PDSS1: variants seen among roughly 807,000 people sequenced by gnomAD.
PDSS1 encodes decaprenyl diphosphate synthase subunit 1.
Under a neutral mutation model 57.5 loss-of-function variants are expected in PDSS1, and 43 were observed. The observed-to-expected ratio is 0.75, with a 90% confidence interval of 0.59 to 0.96. PDSS1 has a LOEUF of 0.96. Ranked by LOEUF, PDSS1 falls within the 50% of genes least tolerant of loss-of-function variation. The pLI is 0.00. For synonymous variants in PDSS1, 175 were observed against 191.3 expected (o/e 0.91, Z 0.70); for missense variants, 438 against 527.8 (o/e 0.83, Z 1.67).
Position 26,704,686 on chromosome 10 carries a change from A to T in PDSS1, c.172A>T (p.Ile58Phe), listed in dbSNP as rs1477516517. Residue 58 changes from isoleucine (I) to phenylalanine (F), a missense_variant, in exon 3 of 12, where the codon ATT becomes TTT. Coordinates refer to ENST00000376215, the MANE Select transcript of PDSS1 (RefSeq NM_014317.5). ...KGLDLSQIPY[I>F]NLVKHLTSAC... ...CATTTTTATTTTATAGATACCCTAT[A>T]TTAATCTTGTGAAGCATTTAACATC... The T allele has an allele frequency of 7.2e-7, 1 of 1,379,362 alleles. No individual in the cohort carries two copies. Among genetic ancestry groups the T allele is most frequent in the South Asian group, 1.2e-5 (1 of 86,302 alleles). The allele number at this position is 1,379,362 out of a possible 1,614,324, so 85.4% of individuals were successfully genotyped here.
chr10:26,739,217 A>G (rs1455333042), intron 10 of PDSS1, among the ~76,000 whole-genome samples: 1 of 152,094 alleles, frequency 6.6e-6, no homozygotes, highest in Non-Finnish European at 1.5e-5. Flanking sequence ...GTAGACTCAT[A>G]CTCATCACCT....
intron 5 of PDSS1, chr10:26,715,422 T>G (rs568003034): frequency 3.4e-4 from 51 of 151,368 alleles, no homozygotes; most frequent in African/African-American, 1.2e-3. Flanking sequence ...TTTTTTTTTT[T>G]GTCTTGCTCT....
chr10:26,707,659 G>A (rs1398817414), intron 4 of PDSS1, among the ~76,000 whole-genome samples: 2 of 152,062 alleles, frequency 1.3e-5, no homozygotes, highest in African/African-American at 4.8e-5. Context: ...ATTCCCTGGG[G>A]TTCCGTGGGC....
chr10:26,707,012 G>A (rs1242121200), intron 4 of PDSS1, among the ~76,000 whole-genome samples: 1 of 36,896 alleles, frequency 2.7e-5, no homozygotes, highest in African/African-American at 5.8e-5. Context: ...GAGAGAAAGT[G>A]TGTGGTTTGA....
At chr10:26,736,470 C>G (rs1836407052) in intron 10 of PDSS1, among the ~76,000 whole-genome samples, 1 of 152,210 alleles carries the variant, frequency 6.6e-6, no homozygotes, top group Admixed American at 6.5e-5. Context: ...TGCCTCTATT[C>G]TGTCTTCACG....
chr10:26,723,997 C>T lies in PDSS1; in HGVS notation c.722-17C>T, dbSNP rs1255189711. 6.2e-7 allele frequency: 1 copy of T among 1,604,306 alleles called. No individual in the cohort carries two copies. Among genetic ancestry groups the T allele is most frequent in the Admixed American group, 1.7e-5 (1 of 59,988 alleles). ...CAATAAAGCCACCTCTCAAATGACT[C>T]CTTTCCTTCTTTATAGGTGAATTTC... On this transcript the variant is annotated splice_polypyrimidine_tract_variant and intron_variant, in intron 7 of 11. Coordinates refer to ENST00000376215, the MANE Select transcript of PDSS1 (RefSeq NM_014317.5).
In PDSS1 at chr10:26,746,480, T is replaced by C. The variant is rs1554800027; in HGVS notation, c.*7T>C. On this transcript the variant is annotated 3_prime_UTR_variant, in exon 12 of 12. Transcript: ENST00000376215. ...ACTCACAAGAGATAAATGACAACTCTTTCTGTTCTTTCTGGCAGCTATCTT... is the reference window on the plus strand; with the variant it reads ...ACTCACAAGAGATAAATGACAACTCCTTCTGTTCTTTCTGGCAGCTATCTT... The C allele has an allele frequency of 2.5e-6, 4 of 1,613,996 alleles. No individual in the cohort carries two copies. Among genetic ancestry groups the C allele is most frequent in the Non-Finnish European group, 3.4e-6 (4 of 1,179,870 alleles).
At chr10:26,709,096 G>T (rs576193869) in intron 4 of PDSS1, among the ~76,000 whole-genome samples, 1 of 152,260 alleles carries the variant, frequency 6.6e-6, no homozygotes, top group African/African-American at 2.4e-5. Context: ...AGCGGGGCAG[G>T]TGGCAGTACC....
At chr10:26,724,792 G>A (rs553756006) in intron 8 of PDSS1, among the ~76,000 whole-genome samples, 1 of 152,076 alleles carries the variant, frequency 6.6e-6, no homozygotes, top group Non-Finnish European at 1.5e-5. Flanking sequence ...TGGCCGGGCT[G>A]GTCTCAAACT....
chr10:26,706,989 A>G (rs906280805), intron 4 of PDSS1, among the ~76,000 whole-genome samples: 1 of 135,654 alleles, frequency 7.4e-6, no homozygotes, highest in African/African-American at 2.6e-5. Context: ...TAAGAGGGCC[A>G]AGCTGGTGAC....
At chr10:26,723,739 T>C in intron 6 of PDSS1, 67 bp from the exon 7 acceptor site, 1 of 1,091,716 alleles carries the variant, frequency 9.2e-7, no homozygotes, top group South Asian at 1.2e-5. Flanking sequence ...CCAGTCAGTT[T>C]CATCATTGGC....
intron 2 of PDSS1, among the ~76,000 whole-genome samples, chr10:26,704,044 T>A (rs1835129835): frequency 8.9e-6 from 1 of 112,930 alleles, no homozygotes; most frequent in Non-Finnish European, 1.7e-5. Flanking sequence ...ATAGCGCCAC[T>A]GCACTCCAGC....
chr10:26,718,547 A>T (rs1267889123), intron 5 of PDSS1, among the ~76,000 whole-genome samples: 1 of 152,004 alleles, frequency 6.6e-6, no homozygotes, highest in Non-Finnish European at 1.5e-5. Context: ...GATCACCTGA[A>T]GTCAGGAATT....
At chr10:26,697,863 C>A in intron 1 of PDSS1, 23 bp downstream of exon 1, 1 of 1,290,430 alleles carries the variant, frequency 7.7e-7, no homozygotes, top group Non-Finnish European at 9.9e-7. Flanking sequence ...GGCGCGCGCC[C>A]GGCGGGGCTC....
intron 3 of PDSS1, 81 bp downstream of exon 3, chr10:26,704,822 G>A (rs1407336147): frequency 9.2e-6 from 7 of 762,824 alleles, no homozygotes; most frequent in East Asian, 5.3e-5. Context: ...TTTTTGTAGC[G>A]ATGGGGAGCT....
intron 10 of PDSS1, chr10:26,740,634 T>C (rs1276137756): frequency 2.2e-6 from 1 of 456,650 alleles, no homozygotes; most frequent in East Asian, 6.9e-5. Flanking sequence ...ACAACTTATT[T>C]CATCCTTCAG....
intron 8 of PDSS1, among the ~76,000 whole-genome samples, chr10:26,727,067 AAAC>A (rs1414560096): frequency 1.1e-5 from 1 of 95,032 alleles, no homozygotes; most frequent in African/African-American, 3.6e-5. Flanking sequence ...CTCAAAAAAA[AAAC>A]AAACAAACCA....
chr10:26,716,066 TC>T (rs1835563270), intron 5 of PDSS1, among the ~76,000 whole-genome samples: 1 of 152,182 alleles, frequency 6.6e-6, no homozygotes, highest in Non-Finnish European at 1.5e-5. Flanking sequence ...TTAAAAAAAT[TC>T]CCACTGAAGA....
intron 1 of PDSS1, 56 bp from the exon 2 acceptor site, chr10:26,702,106 A>G (rs769060453): frequency 2.0e-5 from 9 of 452,442 alleles, no homozygotes; most frequent in Admixed American, 2.4e-5. Flanking sequence ...CATTTAACCA[A>G]TACCTGTACT....
Sources: allele counts gnomAD v4.1 joint callset (sites outside exome capture counted in the v4.1 genomes callset), GRCh38; gene constraint gnomAD v4.1.1; transcripts MANE v1.5; gene names NCBI Gene and HGNC (gene_info 2026-07-23, HGNC 2026-07-21).